Variants in STX8 observed in about 807,000 individuals in gnomAD.
STX8 encodes syntaxin-8.
STX8 carries 23 observed loss-of-function variants against 37.5 expected under a neutral mutation model. The ratio of observed to expected loss-of-function variants is 0.61; its 90% CI spans 0.44 to 0.87. The LOEUF (loss-of-function observed/expected upper bound fraction) is 0.87. Among genes scored for constraint, STX8 ranks in the 40% least tolerant of loss-of-function variants. The pLI is 0.00. For synonymous variants in STX8, 115 were observed against 99.1 expected (o/e 1.16, Z -0.95); for missense variants, 313 against 284.7 (o/e 1.10, Z -0.71).
chr17:9,557,657 C>A, intron 2 of STX8, 129 bp from the exon 3 acceptor site: 1 of 749,914 alleles, frequency 1.3e-6, no homozygotes, highest in South Asian at 1.6e-5. Flanking sequence ...AGATACTCAG[C>A]CCCTCACGAC....
intron 4 of STX8, among the ~76,000 whole-genome samples, chr17:9,522,581 G>T (rs910240651): frequency 6.6e-6 from 1 of 151,794 alleles, no homozygotes; most frequent in African/African-American, 2.4e-5. Flanking sequence ...GGCATGTGGC[G>T]GGTGCCTGTA....
Position 9,425,930 on chromosome 17 carries a change from C to T in STX8, c.542-47277G>A, listed in dbSNP as rs1206966526. 2.0e-5 allele frequency among the ~76,000 whole-genome samples: 3 copies of T among 152,156 alleles called. No individual in the cohort carries two copies. In the South Asian group the frequency reaches 6.2e-4, roughly 32 times the overall value. On this transcript the variant is annotated intron_variant, in intron 6 of 7. Coordinates refer to ENST00000306357, the MANE Select transcript of STX8 (RefSeq NM_004853.3). ...AATCTCTCTCTTGCACGCACGTATG[C>T]ACGCGCACACACACACAGCTGAAAC...
chr17:9,492,725 G>A (rs1433450019), intron 5 of STX8, among the ~76,000 whole-genome samples: 7 of 152,160 alleles, frequency 4.6e-5, no homozygotes, highest in Non-Finnish European at 5.9e-5. Context: ...AAGGCAGGAG[G>A]TTCACTTGAA....
At chr17:9,287,423 G>C (rs1056803827) in intron 7 of STX8, among the ~76,000 whole-genome samples, 1 of 152,168 alleles carries the variant, frequency 6.6e-6, no homozygotes, top group African/African-American at 2.4e-5. Context: ...TTGAAACATG[G>C]GGGCAACAGG....
chr17:9,496,379 A>G (rs1904408425), intron 5 of STX8, among the ~76,000 whole-genome samples: 4 of 152,120 alleles, frequency 2.6e-5, no homozygotes, highest in Admixed American at 2.0e-4. Context: ...CCCAGCCACC[A>G]TGTACTTTCT....
intron 7 of STX8, among the ~76,000 whole-genome samples, chr17:9,369,668 G>T (rs1911339735): frequency 6.8e-6 from 1 of 147,900 alleles, no homozygotes; most frequent in Admixed American, 6.7e-5. Flanking sequence ...GAGGCAGGCA[G>T]ATCGCTTGAG....
At chr17:9,430,793 G>A (rs1288019590) in intron 6 of STX8, among the ~76,000 whole-genome samples, 3 of 151,994 alleles carry the variant, frequency 2.0e-5, no homozygotes, top group African/African-American at 7.2e-5. Flanking sequence ...GGGACTACAG[G>A]CGACCGCCAC....
At chr17:9,401,827 A>G (rs1401275910) in intron 6 of STX8, among the ~76,000 whole-genome samples, 2 of 152,198 alleles carry the variant, frequency 1.3e-5, no homozygotes, top group African/African-American at 4.8e-5. Flanking sequence ...GTTTTAAAAA[A>G]ACAAGTAACT....
chr17:9,525,941 T>C (rs772535538), intron 4 of STX8, among the ~76,000 whole-genome samples: 2 of 152,222 alleles, frequency 1.3e-5, no homozygotes, highest in African/African-American at 2.4e-5. Context: ...CAATGATGTG[T>C]AGTTAAAACT....
At chr17:9,280,936 T>C (rs777166687) in intron 7 of STX8, among the ~76,000 whole-genome samples, 1 of 152,132 alleles carries the variant, frequency 6.6e-6, no homozygotes, top group Non-Finnish European at 1.5e-5. Flanking sequence ...ATTACAAAGA[T>C]GTTGGATGCA....
chr17:9,495,296 G>A (rs1904342491), intron 5 of STX8, among the ~76,000 whole-genome samples: 1 of 151,962 alleles, frequency 6.6e-6, no homozygotes, highest in Admixed American at 6.6e-5. Context: ...ACAACCTCTT[G>A]GATGGCCTCC....
chr17:9,307,310 C>T (rs1178735796), intron 7 of STX8, among the ~76,000 whole-genome samples: 1 of 152,198 alleles, frequency 6.6e-6, no homozygotes. Flanking sequence ...TCCTGACTGC[C>T]TCCCTGGCCA....
chr17:9,275,190 C>A (rs2142144576), intron 7 of STX8, among the ~76,000 whole-genome samples: 1 of 152,272 alleles, frequency 6.6e-6, no homozygotes, highest in Middle Eastern at 3.4e-3. Flanking sequence ...CTCCGGCCTC[C>A]CAGGGCTGAG....
intron 7 of STX8, among the ~76,000 whole-genome samples, chr17:9,330,493 G>A (rs1465283269): frequency 6.6e-6 from 1 of 152,162 alleles, no homozygotes; most frequent in African/African-American, 2.4e-5. Context: ...GTCCATCCTT[G>A]CGATGTATGA....
intron 6 of STX8, 76 bp from the exon 7 acceptor site, chr17:9,378,729 C>G (rs900078719): frequency 5.4e-6 from 6 of 1,118,212 alleles, no homozygotes; most frequent in Non-Finnish European, 8.2e-6. Flanking sequence ...TGTGGTTGTT[C>G]ATCCTAGCAA....
Position 9,502,448 on chromosome 17 carries a change from T to G in STX8, c.448+2590A>C, listed in dbSNP as rs943126054. Among the ~76,000 whole-genome samples, 13 of 152,334 alleles carry G rather than the reference T, an allele frequency of 8.5e-5. 1 individual carries two copies. The East Asian group carries it at 1.3e-3, about 16-fold the overall frequency. On this transcript the variant is annotated intron_variant, in intron 5 of 7. Transcript: ENST00000306357. ...GAGTAGATTTTAAGTGTTCTCACCA[T>G]AAATAAATATGCATGTGAGCTTATA...
chr17:9,490,883 T>G (rs868646717), intron 6 of STX8, among the ~76,000 whole-genome samples: 26 of 152,230 alleles, frequency 1.7e-4, no homozygotes, highest in African/African-American at 6.3e-4. Flanking sequence ...GCAGCCACTC[T>G]GAGTTTTGCC....
intron 6 of STX8, among the ~76,000 whole-genome samples, chr17:9,441,486 T>TA (rs71135985): frequency 0.027 from 3,571 of 131,988 alleles, 153 homozygotes; most frequent in African/African-American, 0.091. Context: ...AGACTCCATC[T>TA]AAAAAAAAAA....
intron 5 of STX8, among the ~76,000 whole-genome samples, chr17:9,501,351 G>T (rs1285303434): frequency 1.3e-5 from 2 of 152,186 alleles, no homozygotes; most frequent in African/African-American, 4.8e-5. Context: ...TGAGGCATTG[G>T]TATAAAGATA....
Sources: gnomAD v4.1 joint callset for allele counts (sites outside exome capture counted in the v4.1 genomes callset) on GRCh38, gnomAD v4.1.1 for gene constraint, MANE v1.5 for transcripts, NCBI Gene and HGNC (gene_info 2026-07-23, HGNC 2026-07-21) for gene names.